The following DNM3 variants were observed in gnomAD, a reference collection of about 807,000 sequenced individuals.
The protein encoded by DNM3 is dynamin-3.
A neutral mutation model predicts 101.6 loss-of-function variants in DNM3; 47 were observed. The observed-to-expected ratio is 0.46, with a 90% CI of 0.37 to 0.59. The LOEUF (loss-of-function observed/expected upper bound fraction) is 0.59. DNM3 is among the 20% of genes least tolerant of loss of function. The pLI is 0.00. For missense variants in DNM3, 849 were observed against 1,085.7 expected, an observed-to-expected ratio of 0.78 and a Z score of 3.06; for synonymous variants, 385 against 387.9, an observed-to-expected ratio of 0.99 and a Z score of 0.09.
At position 171,993,287 on chromosome 1, in the gene DNM3, A is replaced by G. The variant is rs1571993959; in HGVS notation, c.589+4139A>G. Among the ~76,000 whole-genome samples the G allele has an allele frequency of 4.6e-5, 7 of 151,948 alleles. No individual in the cohort carries two copies. In the South Asian group the frequency reaches 1.4e-3, roughly 31 times the overall value. Reference sequence around the variant, plus strand: ...GTATTTCTTGTAGGCTATGTCTGTCAGTAAGGGATTCTCTTGGTTTTTGTT... The same window carrying G: ...GTATTTCTTGTAGGCTATGTCTGTCGGTAAGGGATTCTCTTGGTTTTTGTT... On this transcript the variant is annotated intron_variant, in intron 4 of 20. Coordinates refer to ENST00000627582, the MANE Select transcript of DNM3 (RefSeq NM_015569.5).
intron 2 of DNM3, among the ~76,000 whole-genome samples, chr1:171,937,029 G>A (rs554837856): frequency 6.6e-4 from 100 of 152,254 alleles, no homozygotes; most frequent in African/African-American, 2.0e-3. Context: ...ACTTTTCACC[G>A]ATGAGATATT....
chr1:171,886,604 C>A (rs2036799265), intron 1 of DNM3, among the ~76,000 whole-genome samples: 1 of 151,896 alleles, frequency 6.6e-6, no homozygotes, highest in South Asian at 2.1e-4. Context: ...TTACATTATG[C>A]TTTTAGGAAT....
chr1:172,079,919 C>T (rs570634138), intron 11 of DNM3, among the ~76,000 whole-genome samples: 2 of 152,290 alleles, frequency 1.3e-5, no homozygotes, highest in East Asian at 1.9e-4. Context: ...AGTTCCACTC[C>T]AGACCCTGTT....
intron 12 of DNM3, among the ~76,000 whole-genome samples, chr1:172,083,228 T>C (rs1016013189): frequency 2.0e-5 from 3 of 152,136 alleles, no homozygotes; most frequent in African/African-American, 7.2e-5. Context: ...CCACAGTCAG[T>C]GAACTCTAGG....
At chr1:172,315,149 A>G (rs1200801404) in intron 16 of DNM3, among the ~76,000 whole-genome samples, 9 of 152,338 alleles carry the variant, frequency 5.9e-5, no homozygotes, top group African/African-American at 2.2e-4. Context: ...GTGGACCTCT[A>G]GCAAAGTCCA....
chr1:172,381,556 T>TATTA (rs1431858327), intron 18 of DNM3, among the ~76,000 whole-genome samples: 7 of 151,604 alleles, frequency 4.6e-5, no homozygotes, highest in Admixed American at 4.6e-4. Context: ...ATATCTCTTT[T>TATTA]ATTAATGTAG....
chr1:171,866,159 T>C lies in DNM3; in HGVS notation c.161+24342T>C, dbSNP rs556843115. The stretch of plus-strand genomic sequence containing the variant: ...TTGCCTGATTTATCCTAATAACTTA[T>C]TTAATAGCATCAGTTCTTCCAGTGT... On this transcript the variant is annotated intron_variant, in intron 1 of 20. Coordinates refer to ENST00000627582, the MANE Select transcript of DNM3 (RefSeq NM_015569.5). Among the ~76,000 whole-genome samples the C allele has an allele frequency of 5.3e-5, 8 of 152,270 alleles. No homozygotes were observed. In the South Asian group the frequency reaches 1.7e-3, roughly 32 times the overall value.
intron 14 of DNM3, among the ~76,000 whole-genome samples, chr1:172,193,132 G>C (rs950104235): frequency 1.3e-5 from 2 of 152,002 alleles, no homozygotes; most frequent in African/African-American, 2.4e-5. Context: ...GGCCAGTGAT[G>C]ATGAGCATTT....
At chr1:172,089,251 G>C (rs1397184379) in intron 12 of DNM3, among the ~76,000 whole-genome samples, 1 of 152,092 alleles carries the variant, frequency 6.6e-6, no homozygotes. Context: ...CAAATTGTAG[G>C]CTTTTGATAA....
At chr1:172,018,471 T>A (rs1202254533) in intron 4 of DNM3, among the ~76,000 whole-genome samples, 1 of 152,194 alleles carries the variant, frequency 6.6e-6, no homozygotes, top group Non-Finnish European at 1.5e-5. Context: ...CGACTTATGA[T>A]TATTTAACTT....
At chr1:172,101,940 T>C (rs2054674736) in intron 13 of DNM3, among the ~76,000 whole-genome samples, 1 of 151,990 alleles carries the variant, frequency 6.6e-6, no homozygotes, top group African/African-American at 2.4e-5. Flanking sequence ...CTCACCGCAA[T>C]CTCTGCCTCC....
At chr1:172,081,941 T>C (rs777773074) in intron 12 of DNM3, 39 bp downstream of exon 12, 2 of 1,586,544 alleles carry the variant, frequency 1.3e-6, no homozygotes, top group East Asian at 2.2e-5. Flanking sequence ...ATTCCTCCTG[T>C]TGATTTGTCT....
chr1:172,114,606 T>C (rs2147970850), intron 13 of DNM3, among the ~76,000 whole-genome samples: 1 of 152,348 alleles, frequency 6.6e-6, no homozygotes, highest in East Asian at 1.9e-4. Flanking sequence ...TTGTTCCCTG[T>C]ACTAACACTT....
chr1:171,848,893 G>A lies in DNM3; in HGVS notation c.161+7076G>A, dbSNP rs572507438. 2.8e-3 allele frequency among the ~76,000 whole-genome samples: 420 copies of A among 152,300 alleles called. 4 individuals are homozygous for A. Among genetic ancestry groups the A allele is most frequent in the African/African-American group, 9.7e-3 (404 of 41,562 alleles). The stretch of plus-strand genomic sequence containing the variant: ...GGAATTATATGAATGATACAGGATT[G>A]CTTTAGATCTTGTTTTTCTCTAATA... On this transcript the variant is annotated intron_variant, in intron 1 of 20. Transcript: ENST00000627582.
In DNM3 at chr1:172,407,820, A is replaced by G; in HGVS notation, c.2571A>G (p.Leu857=). Reference sequence around the variant, plus strand: ...CTCGTCCCACTATAATCCGCCCACTAGAATCCTCCCTGTTAGACTAAACGA... The same window carrying G: ...CTCGTCCCACTATAATCCGCCCACTGGAATCCTCCCTGTTAGACTAAACGA... ...SPTRPTIIRP[L]ESSLLD Residue 857 remains leucine (L), a synonymous_variant, in exon 21 of 21, where the codon CTA becomes CTG. Transcript: ENST00000627582. The G allele has an allele frequency of 6.2e-7, 1 of 1,613,268 alleles. No homozygotes were observed. The highest frequency in any genetic ancestry group is 8.5e-7 in the Non-Finnish European group (1 of 1,179,350).
At chr1:172,113,961 G>A (rs1173603335) in intron 13 of DNM3, among the ~76,000 whole-genome samples, 19 of 152,154 alleles carry the variant, frequency 1.2e-4, no homozygotes, top group Admixed American at 3.9e-4. Flanking sequence ...GTATTGAATC[G>A]ATGCCAGACA....
chr1:172,026,846 G>C (rs2048240277), intron 4 of DNM3, among the ~76,000 whole-genome samples: 2 of 151,894 alleles, frequency 1.3e-5, no homozygotes, highest in South Asian at 4.2e-4. Flanking sequence ...GTAGAGACAG[G>C]GTTTCACCAT....
intron 15 of DNM3, among the ~76,000 whole-genome samples, chr1:172,270,650 C>T (rs180779803): frequency 1.1e-4 from 17 of 152,192 alleles, no homozygotes; most frequent in African/African-American, 4.1e-4. Context: ...CAAAGGGAAC[C>T]GACATGGTAC....
At chr1:172,215,670 A>T (rs1229696608) in intron 14 of DNM3, among the ~76,000 whole-genome samples, 1 of 152,020 alleles carries the variant, frequency 6.6e-6, no homozygotes, top group East Asian at 1.9e-4. Context: ...TTAAGGTAAA[A>T]CTATAAATTT....
Sources: gnomAD v4.1 joint callset for allele counts (sites outside exome capture counted in the v4.1 genomes callset) on GRCh38, gnomAD v4.1.1 for gene constraint, MANE v1.5 for transcripts, NCBI Gene and HGNC (gene_info 2026-07-23, HGNC 2026-07-21) for gene names.